XPO6: variants seen among roughly 807,000 people sequenced by gnomAD.
The protein encoded by XPO6 is exportin 6.
XPO6 carries 3 observed loss-of-function variants against 130.0 expected under a neutral mutation model. The observed-to-expected ratio is 0.02, with a 90% CI of 0.01 to 0.06. The LOEUF (loss-of-function observed/expected upper bound fraction) is 0.06, where lower values mean the gene tolerates loss of function less well. Among genes scored for constraint, XPO6 ranks in the 10% least tolerant of loss-of-function variants. The probability of loss-of-function intolerance (pLI) is 1.00; values close to 1 mark genes in which losing one functional copy is unlikely to be tolerated. For missense variants in XPO6, 970 were observed against 1,393.0 expected (o/e 0.70, Z 4.83); for synonymous variants, 524 against 548.9 (o/e 0.95, Z 0.63).
chr16:28,141,197 A>T (rs908588236), intron 9 of XPO6, among the ~76,000 whole-genome samples: 2 of 152,202 alleles, frequency 1.3e-5, no homozygotes, highest in African/African-American at 4.8e-5. Context: ...AGTCCTATCT[A>T]ATGTCACCAG....
intron 7 of XPO6, among the ~76,000 whole-genome samples, chr16:28,155,432 A>C (rs1316167308): frequency 6.6e-6 from 1 of 151,816 alleles, no homozygotes; most frequent in Non-Finnish European, 1.5e-5. Flanking sequence ...GAGTACTGTG[A>C]TGGAGTCGTC....
chr16:28,121,747 A>G lies in XPO6; in HGVS notation c.1782T>C (p.Thr594=), dbSNP rs552151138. ...LTVVERLVKV[T]LYGSQIKLYN... ...ACAATTTTATCTGAGATCCGTACAGAGTGACTTTGACCAACCTGTTGGCAA... is the reference window on the plus strand; with the variant it reads ...ACAATTTTATCTGAGATCCGTACAGGGTGACTTTGACCAACCTGTTGGCAA... Residue 594 remains threonine (T), a synonymous_variant, in exon 14 of 24, where the codon ACT becomes ACC. Transcript: ENST00000304658. 5.6e-6 allele frequency: 9 copies of G among 1,613,708 alleles called. No individual in the cohort carries two copies. The South Asian group carries it at 8.8e-5, about 16-fold the overall frequency.
At chr16:28,163,597 C>G (rs866562721) in intron 6 of XPO6, among the ~76,000 whole-genome samples, 1 of 152,002 alleles carries the variant, frequency 6.6e-6, no homozygotes, top group African/African-American at 2.4e-5. Context: ...CCTCAGCAGG[C>G]GGGGGGGCAA....
intron 9 of XPO6, among the ~76,000 whole-genome samples, chr16:28,139,377 A>C (rs1041226984): frequency 6.6e-6 from 1 of 152,240 alleles, no homozygotes; most frequent in African/African-American, 2.4e-5. Flanking sequence ...CTGTTGTTTA[A>C]GGCCAGCCTG....
Position 28,111,980 on chromosome 16 carries a change from G to A in XPO6, c.2178C>T (p.Leu726=), listed in dbSNP as rs762223020. 7.4e-6 allele frequency: 12 copies of A among 1,613,368 alleles called. No homozygotes were observed. In the South Asian group the frequency reaches 7.7e-5, roughly 10 times the overall value. ...DKAQVLVCRA[L]SNILLLPWPN... is the part of the protein sequence containing the mutation. The stretch of plus-strand genomic sequence containing the variant: ...GCCACGGAAGCAGCAAGATGTTAGA[G>A]AGGGCTCGGCACACCAACACCTGGG... The change falls in exon 17 of 24, where the codon CTC becomes CTT. Residue 726 remains leucine (L), a synonymous_variant. Transcript: ENST00000304658.
intron 14 of XPO6, among the ~76,000 whole-genome samples, chr16:28,118,177 A>G (rs2087120743): frequency 6.6e-6 from 1 of 152,236 alleles, no homozygotes; most frequent in Non-Finnish European, 1.5e-5. Flanking sequence ...GAGGTGACAC[A>G]AAGACAGTGT....
intron 1 of XPO6, among the ~76,000 whole-genome samples, chr16:28,185,365 AAATAAT>A (rs147862887): frequency 5.9e-5 from 9 of 151,844 alleles, no homozygotes; most frequent in African/African-American, 1.2e-4. Flanking sequence ...GCCTCTTAAA[AAATAAT>A]AATAATAATA....
At chr16:28,172,651 C>T (rs1461440683) in intron 4 of XPO6, among the ~76,000 whole-genome samples, 1 of 152,052 alleles carries the variant, frequency 6.6e-6, no homozygotes, top group Non-Finnish European at 1.5e-5. Flanking sequence ...GGCTGGGTTA[C>T]CAAATCAACC....
intron 15 of XPO6, 89 bp from the exon 16 acceptor site, chr16:28,113,139 T>C: frequency 1.3e-6 from 2 of 1,486,842 alleles, no homozygotes; most frequent in Non-Finnish European, 1.8e-6. Flanking sequence ...CTATGTGTCA[T>C]TCTTGGTTTC....
Position 28,104,533 on chromosome 16 carries a change from G to A in XPO6, c.2946+13C>T, listed in dbSNP as rs772264741. ...GAGGAAGTCACCTGGCAGCAACCCC[G>A]CCCCCACGTTACCTGCATGATGGCA... On this transcript the variant is annotated intron_variant, in intron 21 of 23. Transcript: ENST00000304658. The A allele has an allele frequency of 1.7e-5, 27 of 1,613,582 alleles. No individual in the cohort carries two copies. In the Admixed American group the frequency reaches 1.8e-4, roughly 11 times the overall value.
At chr16:28,118,412 A>G (rs2087128782) in intron 14 of XPO6, among the ~76,000 whole-genome samples, 1 of 152,276 alleles carries the variant, frequency 6.6e-6, no homozygotes, top group East Asian at 1.9e-4. Flanking sequence ...TCAGGCTGGC[A>G]TGCAGGGGCA....
Position 28,135,122 on chromosome 16 carries a change from T to C in XPO6, c.1443+94A>G, listed in dbSNP as rs150419451. 152 of 981,596 alleles carry C rather than the reference T, an allele frequency of 1.5e-4. 1 individual carries two copies. The East Asian group carries it at 3.6e-3, about 24-fold the overall frequency. 60.8% of individuals were successfully genotyped at this position (981,596 alleles called of 1,614,324 possible). Reference sequence around the variant, plus strand: ...GAAGACTACTCTGGTTTCAGAACAGTCTTCGGAGCAGAGGGCTCTGGGTTC... The same window carrying C: ...GAAGACTACTCTGGTTTCAGAACAGCCTTCGGAGCAGAGGGCTCTGGGTTC... On this transcript the variant is annotated intron_variant, in intron 10 of 23. Transcript: ENST00000304658.
intron 1 of XPO6, among the ~76,000 whole-genome samples, chr16:28,189,257 TAA>T (rs34353034): frequency 2.3e-4 from 31 of 134,566 alleles, no homozygotes; most frequent in Admixed American, 5.3e-4. Context: ...ACACTTCCTT[TAA>T]AAAAAAAAAA....
At chr16:28,158,549 T>G (rs1434774114) in intron 6 of XPO6, among the ~76,000 whole-genome samples, 1 of 152,244 alleles carries the variant, frequency 6.6e-6, no homozygotes, top group East Asian at 1.9e-4. Context: ...TTAAATGAAT[T>G]AATGACTATT....
chr16:28,153,486 T>C, intron 7 of XPO6: 1 of 985,372 alleles, frequency 1.0e-6, no homozygotes. Context: ...CCACTCCCAA[T>C]CCAGTGCTCT....
At chr16:28,158,533 A>G (rs1567629438) in intron 6 of XPO6, among the ~76,000 whole-genome samples, 2 of 152,260 alleles carry the variant, frequency 1.3e-5, no homozygotes, top group Non-Finnish European at 2.9e-5. Context: ...TTCATCACAG[A>G]TATTTTTAAA....
intron 15 of XPO6, among the ~76,000 whole-genome samples, chr16:28,116,056 C>T (rs1567599231): frequency 6.6e-6 from 1 of 152,230 alleles, no homozygotes; most frequent in Non-Finnish European, 1.5e-5. Flanking sequence ...TTCCTCATAT[C>T]AACAACAAGG....
chr16:28,101,586 T>C lies in XPO6; in HGVS notation c.3148A>G (p.Ile1050Val). ...DLLQEEIGIA[I>V]YNMASVDFDG... Reference sequence around the variant, plus strand: ...AAGTCGACTGAGGCCATGTTGTAGATGGCGATGCCAATCTCCTCCTGCAGA... The same window carrying C: ...AAGTCGACTGAGGCCATGTTGTAGACGGCGATGCCAATCTCCTCCTGCAGA... The change falls in exon 23 of 24, where the codon ATC becomes GTC. Residue 1050 changes from isoleucine to valine, a missense_variant. By Grantham distance (29) the Ile-to-Val change is conservative. Coordinates refer to ENST00000304658, the MANE Select transcript of XPO6 (RefSeq NM_015171.4). This position sits in a 1 kb window ranked among gnomAD's most constrained non-coding sequence, Gnocchi z 5.4. The C allele has an allele frequency of 3.7e-6, 6 of 1,614,248 alleles. No individual in the cohort carries two copies. Among genetic ancestry groups the C allele is most frequent in the South Asian group, 1.1e-5 (1 of 91,092 alleles).
At chr16:28,111,178 CT>C (rs150962499) in intron 17 of XPO6, 1 of 152,288 alleles carries the variant, frequency 6.6e-6, no homozygotes, top group East Asian at 1.9e-4. Flanking sequence ...AGCATTTTTG[CT>C]GACATTCCAT....
Sources: allele counts gnomAD v4.1 joint callset (sites outside exome capture counted in the v4.1 genomes callset), GRCh38; gene constraint gnomAD v4.1.1; non-coding constraint Gnocchi (gnomAD v3.1); transcripts MANE v1.5; gene names NCBI Gene and HGNC (gene_info 2026-07-23, HGNC 2026-07-21).